Variants in DACH2 observed in about 807,000 individuals in gnomAD.
DACH2 encodes dachshund homolog 2.
DACH2 carries 17 observed loss-of-function variants against 35.8 expected under a neutral mutation model. The observed-to-expected ratio is 0.48, with a 90% CI of 0.33 to 0.71. The LOEUF (loss-of-function observed/expected upper bound fraction) is 0.71. Among genes scored for constraint, DACH2 ranks in the 30% least tolerant of loss-of-function variants. The pLI is 0.02. For synonymous variants in DACH2, 195 were observed against 177.3 expected, an observed-to-expected ratio of 1.10 and a Z score of -0.79; for missense variants, 469 against 472.7, an observed-to-expected ratio of 0.99 and a Z score of 0.07.
chrX:86,300,988 C>T (rs1350087758), intron 1 of DACH2, among the ~76,000 whole-genome samples: 1 of 111,753 alleles, frequency 8.9e-6, no homozygotes, highest in Admixed American at 9.5e-5. Context: ...GAAGTGGATT[C>T]CTTTAGTTGT....
intron 2 of DACH2, among the ~76,000 whole-genome samples, chrX:86,489,124 G>T (rs2038059572): frequency 9.0e-6 from 1 of 111,047 alleles, no homozygotes; most frequent in Admixed American, 9.6e-5. Context: ...CTAATGTTAT[G>T]TTTTCTTGTA....
At chrX:86,366,730 TGCCCTAC>T (rs1174574472) in intron 1 of DACH2, among the ~76,000 whole-genome samples, 1 of 110,319 alleles carries the variant, frequency 9.1e-6, no homozygotes, top group African/African-American at 3.3e-5. Flanking sequence ...AATGGTGTGG[TGCCCTAC>T]TTATGGTAAT....
chrX:86,307,024 T>C, intron 1 of DACH2, among the ~76,000 whole-genome samples: 1 of 111,663 alleles, frequency 9.0e-6, no homozygotes, highest in Non-Finnish European at 1.9e-5. Flanking sequence ...TTACGCAAAA[T>C]AAATGCATTT....
chrX:86,256,965 A>G (rs1368018658), intron 1 of DACH2, among the ~76,000 whole-genome samples: 1 of 111,915 alleles, frequency 8.9e-6, no homozygotes, highest in Non-Finnish European at 1.9e-5. Context: ...GTATTGCATT[A>G]CCTTTCTTCA....
At chrX:86,575,413 T>C (rs2039425358) in intron 3 of DACH2, among the ~76,000 whole-genome samples, 1 of 111,305 alleles carries the variant, frequency 9.0e-6, no homozygotes, top group Non-Finnish European at 1.9e-5. Flanking sequence ...CAAGTGATTA[T>C]TCAGTTTTAG....
chrX:86,282,606 A>G (rs765721873), intron 1 of DACH2, among the ~76,000 whole-genome samples: 3 of 111,481 alleles, frequency 2.7e-5, no homozygotes, highest in South Asian at 3.8e-4. Flanking sequence ...TAAAACACCA[A>G]AAGCCCTTAG....
At chrX:86,226,156 T>G (rs1221230716) in intron 1 of DACH2, among the ~76,000 whole-genome samples, 1 of 107,357 alleles carries the variant, frequency 9.3e-6, no homozygotes, top group African/African-American at 3.8e-5. Flanking sequence ...CTTTCAGGAC[T>G]GTTCAGAAGT....
intron 5 of DACH2, among the ~76,000 whole-genome samples, chrX:86,710,978 A>G (rs1331436379): frequency 8.9e-6 from 1 of 112,156 alleles, no homozygotes; most frequent in African/African-American, 3.2e-5. Flanking sequence ...TGGGATTTAG[A>G]TAGAGGATTA....
intron 3 of DACH2, among the ~76,000 whole-genome samples, chrX:86,556,064 AAG>A (rs758160934): frequency 8.9e-6 from 1 of 111,938 alleles, no homozygotes; most frequent in South Asian, 3.7e-4. Flanking sequence ...TGATGAGTAA[AAG>A]AGAGGCATTT....
chrX:86,740,038 T>C (rs1394748181), intron 7 of DACH2, among the ~76,000 whole-genome samples, 156 bp downstream of exon 7: 2 of 112,116 alleles, frequency 1.8e-5, no homozygotes, highest in African/African-American at 6.5e-5. Flanking sequence ...TGAAACAATA[T>C]GACTAACAAA....
At chrX:86,750,170 C>A (rs949291328) in intron 7 of DACH2, among the ~76,000 whole-genome samples, 4 of 110,999 alleles carry the variant, frequency 3.6e-5, no homozygotes, top group Non-Finnish European at 1.9e-5. Flanking sequence ...TGTCTTATTT[C>A]TTATCTCAAG....
chrX:86,265,037 C>T (rs191130675), intron 1 of DACH2, among the ~76,000 whole-genome samples: 114 of 111,045 alleles, frequency 1.0e-3, no homozygotes, highest in Non-Finnish European at 2.0e-3. Context: ...TCGTAATCTC[C>T]GTGGCCATTA....
At chrX:86,387,854 A>G (rs918597957) in intron 2 of DACH2, among the ~76,000 whole-genome samples, 2 of 111,970 alleles carry the variant, frequency 1.8e-5, no homozygotes, top group African/African-American at 3.2e-5. Flanking sequence ...CATTTTATAA[A>G]TTACTTTTTG....
At chrX:86,318,623 T>A (rs2034958221) in intron 1 of DACH2, among the ~76,000 whole-genome samples, 1 of 111,068 alleles carries the variant, frequency 9.0e-6, no homozygotes, top group Non-Finnish European at 1.9e-5. Flanking sequence ...CATATTTTAA[T>A]ATTATTCTCT....
intron 1 of DACH2, among the ~76,000 whole-genome samples, chrX:86,233,935 G>A (rs1441154502): frequency 8.9e-6 from 1 of 111,912 alleles, no homozygotes; most frequent in East Asian, 2.8e-4. Flanking sequence ...CCCACAACAC[G>A]TGAGAATTAT....
At chrX:86,345,225 T>C (rs2035476830) in intron 1 of DACH2, among the ~76,000 whole-genome samples, 1 of 112,066 alleles carries the variant, frequency 8.9e-6, no homozygotes, top group Non-Finnish European at 1.9e-5. Context: ...GGTTTCTTTA[T>C]CCTTATGGAC....
At chrX:86,598,597 T>C (rs968231403) in intron 3 of DACH2, among the ~76,000 whole-genome samples, 5 of 111,209 alleles carry the variant, frequency 4.5e-5, no homozygotes, top group African/African-American at 1.6e-4. Flanking sequence ...CTCCTTTCCA[T>C]GATCCTTGCT....
At chrX:86,623,998 A>C (rs925815542) in intron 3 of DACH2, among the ~76,000 whole-genome samples, 4 of 84,610 alleles carry the variant, frequency 4.7e-5, no homozygotes, top group African/African-American at 1.8e-4. Context: ...CAGTGAGTCG[A>C]GATCGCGCCA....
chrX:86,541,180 T>C (rs1297877398), intron 3 of DACH2, among the ~76,000 whole-genome samples: 1 of 112,385 alleles, frequency 8.9e-6, no homozygotes, highest in Non-Finnish European at 1.9e-5. Flanking sequence ...ATTTCTATTC[T>C]ATTGAATTTG....
Sources: allele counts gnomAD v4.1 joint callset (sites outside exome capture counted in the v4.1 genomes callset), GRCh38; gene constraint gnomAD v4.1.1; transcripts MANE v1.5; gene names NCBI Gene and HGNC (gene_info 2026-07-23, HGNC 2026-07-21).